The following VPS26C variants were observed in gnomAD, a reference collection of about 807,000 sequenced individuals.
VPS26C encodes vacuolar protein sorting-associated protein 26C.
VPS26C carries 19 observed loss-of-function variants against 30.6 expected under a neutral mutation model. That is an observed-to-expected ratio of 0.62 (90% confidence interval 0.43 to 0.91). The LOEUF is 0.91. Among genes scored for constraint, VPS26C ranks in the 40% least tolerant of loss-of-function variants. VPS26C has a pLI of 0.00. For synonymous variants in VPS26C, 132 were observed against 151.5 expected (o/e 0.87, Z 0.95); for missense variants, 318 against 385.1 (o/e 0.83, Z 1.46).
At chr21:37,247,584 T>A (rs2086149915) in intron 1 of VPS26C, among the ~76,000 whole-genome samples, 1 of 152,096 alleles carries the variant, frequency 6.6e-6, no homozygotes, top group Admixed American at 6.6e-5. Context: ...CAAGCAGGAA[T>A]GACAGAATTA....
rs887146581 is a variant in VPS26C at position 37,223,694 on chromosome 21, A to G, written c.*1850T>C. 3 of 152,238 alleles carry G rather than the reference A, an allele frequency of 2.0e-5. No individual in the cohort carries two copies. The highest frequency in any genetic ancestry group is 7.2e-5 in the African/African-American group (3 of 41,458). The allele number at this position is 152,238 out of a possible 1,614,324, so 9.4% of individuals were successfully genotyped here. On this transcript the variant is annotated 3_prime_UTR_variant, in exon 8 of 8. Coordinates refer to ENST00000309117, the MANE Select transcript of VPS26C (RefSeq NM_006052.2). ...GGGAACCAAGTTTCAAGTGACTCAG[A>G]TAAGTTTTATTAATTTCATGGGTGA... is the stretch of plus-strand genomic sequence containing the variant.
intron 1 of VPS26C, among the ~76,000 whole-genome samples, chr21:37,258,273 A>C (rs554994878): frequency 2.6e-5 from 4 of 152,312 alleles, no homozygotes; most frequent in African/African-American, 7.2e-5. Context: ...TGCAGTTCCC[A>C]GGCCGGTTGC....
chr21:37,256,992 C>T (rs988164238), intron 1 of VPS26C, among the ~76,000 whole-genome samples: 8 of 152,082 alleles, frequency 5.3e-5, no homozygotes, highest in Middle Eastern at 6.8e-3. Flanking sequence ...ATTAGCCAAG[C>T]GTGGTAGCAC....
intron 3 of VPS26C, 26 bp downstream of exon 3, chr21:37,238,434 G>C: frequency 6.2e-7 from 1 of 1,604,234 alleles, no homozygotes; most frequent in Non-Finnish European, 8.5e-7. Flanking sequence ...TGTGAAGTCA[G>C]TCGCGTAGGA....
chr21:37,250,639 C>T (rs1253434319), intron 1 of VPS26C, among the ~76,000 whole-genome samples: 5 of 151,594 alleles, frequency 3.3e-5, no homozygotes, highest in Non-Finnish European at 7.4e-5. Flanking sequence ...GCGGTGCTCA[C>T]GCCTGTAATC....
intron 2 of VPS26C, among the ~76,000 whole-genome samples, chr21:37,240,256 G>A (rs544298142): frequency 1.4e-4 from 22 of 152,220 alleles, no homozygotes; most frequent in African/African-American, 4.1e-4. Flanking sequence ...CTGAGTAGCT[G>A]GGACTACAGG....
At chr21:37,256,757 C>G (rs565557404) in intron 1 of VPS26C, among the ~76,000 whole-genome samples, 2 of 152,150 alleles carry the variant, frequency 1.3e-5, no homozygotes, top group Admixed American at 1.3e-4. Context: ...AGTTAGAGGA[C>G]AAGAAGAAGT....
chr21:37,240,606 T>TA lies in VPS26C; in HGVS notation c.90dup (p.Lys31Ter). On this transcript the variant is annotated frameshift_variant, in exon 2 of 8. Transcript: ENST00000309117. LOFTEE classifies it high-confidence loss of function. ...ACTCCCTGGTGTTGGACTGAATCCT[T>TA]ACTCGATATGACCACCACGCCAGAG... is the stretch of plus-strand genomic sequence containing the variant. 1 of 1,614,218 alleles carries TA rather than the reference T, an allele frequency of 6.2e-7. No individual in the cohort carries two copies. The highest frequency in any genetic ancestry group is 8.5e-7 in the Non-Finnish European group (1 of 1,180,034).
chr21:37,247,313 ATAAG>A (rs1160324770), intron 1 of VPS26C, among the ~76,000 whole-genome samples: 1 of 152,200 alleles, frequency 6.6e-6, no homozygotes, highest in East Asian at 1.9e-4. Context: ...GACGAATACT[ATAAG>A]TAACTAAGAT....
chr21:37,228,467 A>G (rs2085927613), intron 5 of VPS26C, 94 bp from the exon 6 acceptor site: 3 of 1,422,704 alleles, frequency 2.1e-6, no homozygotes, highest in Non-Finnish European at 2.9e-6. Context: ...GCGAAGTTGG[A>G]TAGTGGTTAC....
rs545592941 is a variant in VPS26C, at chr21:37,227,576, C to G, written c.811+78G>C. The G allele has an allele frequency of 3.9e-4, 598 of 1,543,778 alleles. 3 individuals are homozygous for G. In the African/African-American group the frequency reaches 6.0e-3, roughly 16 times the overall value. ...ACCGAAGGGCGGCAGGTTCTGAGCT[C>G]TGTGACCCACAGCAGGCCCTGGCGC... is the stretch of plus-strand genomic sequence containing the variant. On this transcript the variant is annotated intron_variant, in intron 7 of 7. Transcript: ENST00000309117.
chr21:37,225,942 C>G (rs2085895064), intron 7 of VPS26C: 1 of 362,240 alleles, frequency 2.8e-6, no homozygotes, highest in South Asian at 4.9e-5. Context: ...ATTCTAGAAC[C>G]CTTTCAATTC....
chr21:37,267,197 G>A (rs1569244976), intron 1 of VPS26C, 41 bp downstream of exon 1: 1 of 1,196,548 alleles, frequency 8.4e-7, no homozygotes, highest in Non-Finnish European at 1.2e-6. Context: ...CTGCAGACCC[G>A]CCCAACCCCA....
chr21:37,235,715 A>C (rs2086013272), intron 3 of VPS26C, among the ~76,000 whole-genome samples: 1 of 152,096 alleles, frequency 6.6e-6, no homozygotes, highest in African/African-American at 2.4e-5. Flanking sequence ...TAACAAAGAC[A>C]AACATGAACG....
chr21:37,241,035 G>GA (rs1048466479), intron 1 of VPS26C, among the ~76,000 whole-genome samples: 13 of 152,366 alleles, frequency 8.5e-5, no homozygotes, highest in African/African-American at 3.1e-4. Flanking sequence ...AAAAGGAACA[G>GA]AAGAAAATAA....
chr21:37,231,421 G>T (rs1466129359), intron 5 of VPS26C: 1 of 152,230 alleles, frequency 6.6e-6, no homozygotes, highest in African/African-American at 2.4e-5. Context: ...GGCCCACTGG[G>T]GTCGCGTGCC....
At chr21:37,267,003 C>T (rs2086370932) in intron 1 of VPS26C, 2 of 571,458 alleles carry the variant, frequency 3.5e-6, no homozygotes, top group Non-Finnish European at 6.3e-6. Context: ...CTGCACGTCC[C>T]GCAGATGCGG....
At position 37,257,752 on chromosome 21, in the gene VPS26C, C is replaced by T. The variant is rs1165109066; in HGVS notation, c.57+9486G>A. Among the ~76,000 whole-genome samples, 1 of 151,876 alleles carries T rather than the reference C, an allele frequency of 6.6e-6. No homozygotes were observed. Among genetic ancestry groups the T allele is most frequent in the Admixed American group, 6.6e-5 (1 of 15,260 alleles). The stretch of plus-strand genomic sequence containing the variant: ...GGAGGGGAGGGAAAGGGGTGGGGAG[C>T]GAGGGTACCAGAGGCGTGGGAGGAC... On this transcript the variant is annotated intron_variant, in intron 1 of 7. Coordinates refer to ENST00000309117, the MANE Select transcript of VPS26C (RefSeq NM_006052.2). The surrounding 1 kb of genome is among the most constrained non-coding windows in gnomAD (Gnocchi z 4.2).
At position 37,226,175 on chromosome 21, in the gene VPS26C, C is replaced by T. The variant is rs568173883; in HGVS notation, c.812-549G>A. ...CGACTCTTCAGCTGATATGGGTGAGCCTTGTTGATCCTAACAAAAGGGATG... is the reference window on the plus strand; with the variant it reads ...CGACTCTTCAGCTGATATGGGTGAGTCTTGTTGATCCTAACAAAAGGGATG... On this transcript the variant is annotated intron_variant, in intron 7 of 7. Transcript: ENST00000309117. This position sits in a 1 kb window ranked among gnomAD's most constrained non-coding sequence, Gnocchi z 4.1. The T allele has an allele frequency of 3.2e-5, 5 of 156,244 alleles. No homozygotes were observed. The East Asian group carries it at 9.2e-4, about 29-fold the overall frequency. The allele number at this position is 156,244 out of a possible 1,614,324, so 9.7% of individuals were successfully genotyped here.
Sources: allele counts gnomAD v4.1 joint callset (sites outside exome capture counted in the v4.1 genomes callset), GRCh38; gene constraint gnomAD v4.1.1; non-coding constraint Gnocchi (gnomAD v3.1); transcripts MANE v1.5; gene names NCBI Gene and HGNC (gene_info 2026-07-23, HGNC 2026-07-21).